AGO3: variants seen among roughly 807,000 people sequenced by gnomAD.
The protein encoded by AGO3 is protein argonaute-3.
Under a neutral mutation model 105.5 loss-of-function variants are expected in AGO3, and 16 were observed. The ratio of observed to expected loss-of-function variants is 0.15; its 90% CI spans 0.10 to 0.23. AGO3 has a LOEUF of 0.23. Among genes scored for constraint, AGO3 ranks in the 10% least tolerant of loss-of-function variants. The pLI is 1.00. For missense variants in AGO3, 534 were observed against 1,088.0 expected, an observed-to-expected ratio of 0.49 and a Z score of 7.16; for synonymous variants, 340 against 367.3, an observed-to-expected ratio of 0.93 and a Z score of 0.85.
At chr1:35,974,880 A>G (rs956094638) in intron 5 of AGO3, among the ~76,000 whole-genome samples, 1 of 152,040 alleles carries the variant, frequency 6.6e-6, no homozygotes, top group Non-Finnish European at 1.5e-5. Flanking sequence ...TGCTCATCTT[A>G]TATTTCCTGC....
At chr1:35,930,943 G>T (rs1410832763), upstream of AGO3, 1 of 299,928 alleles carries the variant, frequency 3.3e-6, no homozygotes, top group African/African-American at 2.2e-5. Flanking sequence ...CGAGCCCGCC[G>T]CATGTGGCCC....
Position 36,054,988 on chromosome 1 carries a change from A to G in AGO3, c.2317A>G (p.Asn773Asp). The G allele has an allele frequency of 6.2e-7, 1 of 1,614,194 alleles. No homozygotes were observed. Among genetic ancestry groups the G allele is most frequent in the Non-Finnish European group, 8.5e-7 (1 of 1,180,036 alleles). The stretch of plus-strand genomic sequence containing the variant: ...ACACTATCATGTTTTATGGGATGAT[A>G]ACTGCTTTACTGCAGATGAACTTCA... ...PSHYHVLWDD[N>D]CFTADELQLL... is the part of the protein sequence containing the mutation. The change falls in exon 18 of 19, where the codon AAC becomes GAC. Residue 773 changes from asparagine to aspartate, a missense_variant. Around this residue, in one of 2 missense-constraint regions of AGO3, gnomAD observed 373 missense variants for 854.0 expected, o/e 0.44. Coordinates refer to ENST00000373191, the MANE Select transcript of AGO3 (RefSeq NM_024852.4).
At chr1:35,995,221 T>TATATAC (rs1648200203) in intron 5 of AGO3, among the ~76,000 whole-genome samples, 1 of 145,110 alleles carries the variant, frequency 6.9e-6, no homozygotes, top group African/African-American at 2.5e-5. Flanking sequence ...TATATATATA[T>TATATAC]ATATATATAT....
Position 36,070,324 on chromosome 1 carries a change from A to G in AGO3, c.*14579A>G, listed in dbSNP as rs1379199829. 6.6e-6 allele frequency: 1 copy of G among 152,222 alleles called. No homozygotes were observed. Among genetic ancestry groups the G allele is most frequent in the East Asian group, 1.9e-4 (1 of 5,200 alleles). 9.4% of individuals were successfully genotyped at this position (152,222 alleles called of 1,614,324 possible). On this transcript the variant is annotated 3_prime_UTR_variant, in exon 19 of 19. Transcript: ENST00000373191. ...CAATCATCATGTACCTATAAAGGTT[A>G]AAATATAGTGAAAGTTTCTGCTTCA...
chr1:36,024,835 T>C (rs189096488), intron 11 of AGO3, among the ~76,000 whole-genome samples: 10 of 152,254 alleles, frequency 6.6e-5, no homozygotes, highest in African/African-American at 2.4e-4. Flanking sequence ...CTTAAGTCCT[T>C]TATCATTACT....
intron 17 of AGO3, among the ~76,000 whole-genome samples, chr1:36,052,777 C>T (rs938260062): frequency 8.5e-5 from 13 of 152,048 alleles, no homozygotes; most frequent in East Asian, 3.9e-4. Flanking sequence ...TTTGGGAGGC[C>T]GAGGCGAGTG....
chr1:35,942,996 T>C (rs1304839673), intron 1 of AGO3, among the ~76,000 whole-genome samples: 1 of 152,156 alleles, frequency 6.6e-6, no homozygotes, highest in East Asian at 1.9e-4. Flanking sequence ...TTTGTCATTC[T>C]GTGACTGGTT....
intron 2 of AGO3, among the ~76,000 whole-genome samples, chr1:35,961,706 G>T (rs1437260118): frequency 2.0e-5 from 3 of 152,070 alleles, no homozygotes; most frequent in African/African-American, 7.2e-5. Context: ...TTCACAAATT[G>T]AACAGAGTAC....
intron 2 of AGO3, among the ~76,000 whole-genome samples, chr1:35,946,662 G>A (rs1334008081): frequency 6.6e-6 from 1 of 152,174 alleles, no homozygotes; most frequent in East Asian, 1.9e-4. Context: ...TTTGGTAGAG[G>A]AAATAAGACA....
chr1:35,936,388 A>T (rs1024408813), intron 1 of AGO3, among the ~76,000 whole-genome samples: 1 of 152,196 alleles, frequency 6.6e-6, no homozygotes. Context: ...CTGAAATGTC[A>T]GTTTAAGGAA....
At chr1:36,005,728 G>T in intron 6 of AGO3, 2 of 985,256 alleles carry the variant, frequency 2.0e-6, no homozygotes, top group Non-Finnish European at 2.4e-6. Flanking sequence ...GAAAATACAA[G>T]ATGTACAGAA....
At chr1:36,044,229 C>G (rs900787785) in intron 17 of AGO3, among the ~76,000 whole-genome samples, 3 of 152,134 alleles carry the variant, frequency 2.0e-5, no homozygotes, top group African/African-American at 7.2e-5. Context: ...CCTGTAGTCT[C>G]AGCTATTCAG....
In AGO3 at chr1:35,945,858, G is replaced by T; in HGVS notation, c.186G>T (p.Val62=). Residue 62 remains valine (V), a synonymous_variant, in exon 2 of 19, where the codon GTG becomes GTT. Transcript: ENST00000373191. Reference sequence around the variant, plus strand: ...AACCAGACAAGTGTCCTAGGAGAGTGAACAGGTAAGAATCATGAAACTGCA... The same window carrying T: ...AACCAGACAAGTGTCCTAGGAGAGTTAACAGGTAAGAATCATGAAACTGCA... ...DIKPDKCPRR[V]NREVVDSMVQ... 2 of 1,611,922 alleles carry T rather than the reference G, an allele frequency of 1.2e-6. No homozygotes were observed. Among genetic ancestry groups the T allele is most frequent in the South Asian group, 2.2e-5 (2 of 90,730 alleles).
In AGO3 at chr1:36,055,530, C is replaced by T. The variant is rs1290996403; in HGVS notation, c.2475-107C>T. 3 of 1,059,806 alleles carry T rather than the reference C, an allele frequency of 2.8e-6. No individual in the cohort carries two copies. The highest frequency in any genetic ancestry group is 4.3e-6 in the Non-Finnish European group (3 of 704,330). 65.7% of individuals were successfully genotyped at this position (1,059,806 alleles called of 1,614,324 possible). On this transcript the variant is annotated intron_variant, in intron 18 of 18. Coordinates refer to ENST00000373191, the MANE Select transcript of AGO3 (RefSeq NM_024852.4). This position sits in a 1 kb window ranked among gnomAD's most constrained non-coding sequence, Gnocchi z 4.4. ...GACACATAGATTGTTACACCAGTCT[C>T]TTATTTGTTAATAATTTTGAAATTT...
At chr1:35,971,884 C>T in intron 3 of AGO3, 140 bp from the exon 4 acceptor site, 1 of 773,296 alleles carries the variant, frequency 1.3e-6, no homozygotes, top group Non-Finnish European at 2.1e-6. Flanking sequence ...TAAATTTTAT[C>T]TACAAAAAAA....
At chr1:36,036,073 C>T (rs1641993699) in intron 13 of AGO3, 104 bp from the exon 14 acceptor site, 1 of 1,066,538 alleles carries the variant, frequency 9.4e-7, no homozygotes, top group Non-Finnish European at 1.4e-6. Context: ...CATAGGACTT[C>T]CTCTGTGCTG....
At chr1:35,959,595 C>T (rs910391539) in intron 2 of AGO3, among the ~76,000 whole-genome samples, 2 of 152,012 alleles carry the variant, frequency 1.3e-5, no homozygotes, top group East Asian at 1.9e-4. Context: ...TTACTACTTA[C>T]GGTAAGCTAA....
chr1:35,934,208 C>T (rs1451348266), intron 1 of AGO3, among the ~76,000 whole-genome samples: 3 of 152,130 alleles, frequency 2.0e-5, no homozygotes, highest in Non-Finnish European at 2.9e-5. Context: ...CCTGAGTACT[C>T]ATTTTTTAGG....
chr1:35,950,790 A>T (rs1646457464), intron 2 of AGO3, among the ~76,000 whole-genome samples: 1 of 152,178 alleles, frequency 6.6e-6, no homozygotes. Context: ...CTCTAAATAC[A>T]CCTTGAATAG....
Sources: allele counts gnomAD v4.1 joint callset (sites outside exome capture counted in the v4.1 genomes callset), GRCh38; gene constraint gnomAD v4.1.1; regional missense constraint gnomAD v4.1.1; non-coding constraint Gnocchi (gnomAD v3.1); transcripts MANE v1.5; gene names NCBI Gene and HGNC (gene_info 2026-07-23, HGNC 2026-07-21).